TMTC1: variants seen among roughly 807,000 people sequenced by gnomAD.
TMTC1 encodes transmembrane O-mannosyltransferase targeting cadherins 1, also known as protein O-mannosyl-transferase TMTC1.
A neutral mutation model predicts 104.8 loss-of-function variants in TMTC1; 73 were observed. The ratio of observed to expected loss-of-function variants is 0.70; its 90% CI spans 0.58 to 0.85. The LOEUF (loss-of-function observed/expected upper bound fraction) is 0.85, where lower values mean the gene tolerates loss of function less well. TMTC1 is among the 40% of genes least tolerant of loss of function. The pLI is 0.00. For missense variants in TMTC1, 1,035 were observed against 1,096.1 expected, an observed-to-expected ratio of 0.94 and a Z score of 0.79; for synonymous variants, 434 against 428.7, an observed-to-expected ratio of 1.01 and a Z score of -0.15.
chr12:29,546,499 CA>C (rs1428240768), intron 10 of TMTC1, among the ~76,000 whole-genome samples: 1 of 152,156 alleles, frequency 6.6e-6, no homozygotes, highest in African/African-American at 2.4e-5. Flanking sequence ...AGGCCACAGA[CA>C]GGGGTGGAAC....
chr12:29,533,920 T>C (rs568848788), intron 11 of TMTC1: 13 of 152,308 alleles, frequency 8.5e-5, no homozygotes, highest in African/African-American at 2.6e-4. Flanking sequence ...CAGCTGAGTG[T>C]AGGAAAGAGC....
intron 10 of TMTC1, among the ~76,000 whole-genome samples, chr12:29,545,715 G>A (rs955825674): frequency 1.3e-5 from 2 of 150,212 alleles, no homozygotes; most frequent in Non-Finnish European, 2.9e-5. Flanking sequence ...AAATTTCCCC[G>A]AGCTGTTCAA....
intron 5 of TMTC1, among the ~76,000 whole-genome samples, chr12:29,742,414 A>G (rs1027453919): frequency 1.3e-5 from 2 of 152,304 alleles, no homozygotes; most frequent in East Asian, 3.9e-4. Flanking sequence ...TGAAGACTGT[A>G]GCTTAGGGTG....
intron 1 of TMTC1, among the ~76,000 whole-genome samples, chr12:29,775,261 T>C (rs1943681701): frequency 6.6e-6 from 1 of 152,114 alleles, no homozygotes; most frequent in African/African-American, 2.4e-5. Context: ...GTGGAGTGCC[T>C]GATTGTAATG....
chr12:29,754,437 A>G (rs953461998), intron 4 of TMTC1, among the ~76,000 whole-genome samples: 1 of 152,238 alleles, frequency 6.6e-6, no homozygotes, highest in African/African-American at 2.4e-5. Context: ...GGACTGGACC[A>G]CGTGAGAGAA....
intron 6 of TMTC1, among the ~76,000 whole-genome samples, chr12:29,626,574 A>G (rs547844157): frequency 1.3e-5 from 2 of 152,334 alleles, no homozygotes; most frequent in South Asian, 4.1e-4. Context: ...CGATGCAGAG[A>G]AAACTGGATA....
At chr12:29,508,945 T>TA (rs966637366) in intron 17 of TMTC1, among the ~76,000 whole-genome samples, 1 of 152,088 alleles carries the variant, frequency 6.6e-6, no homozygotes, top group South Asian at 2.1e-4. Flanking sequence ...AGATGCTAGG[T>TA]AAAAAAATCT....
intron 5 of TMTC1, among the ~76,000 whole-genome samples, chr12:29,656,602 A>C (rs529733118): frequency 9.9e-5 from 15 of 152,154 alleles, no homozygotes; most frequent in Non-Finnish European, 1.9e-4. Flanking sequence ...GAACAGAAAG[A>C]TGTTTCTCAA....
At chr12:29,561,795 G>A (rs181563277) in intron 9 of TMTC1, among the ~76,000 whole-genome samples, 104 of 152,104 alleles carry the variant, frequency 6.8e-4, no homozygotes, top group African/African-American at 1.6e-3. Flanking sequence ...ATTTCCTTTC[G>A]GAGAATACAC....
intron 11 of TMTC1, among the ~76,000 whole-genome samples, chr12:29,530,678 CTTT>C (rs1359640384): frequency 6.6e-6 from 1 of 152,188 alleles, no homozygotes; most frequent in Non-Finnish European, 1.5e-5. Context: ...AAAGCACCTG[CTTT>C]TGCTTTCTGC....
intron 5 of TMTC1, among the ~76,000 whole-genome samples, chr12:29,674,542 T>C (rs1940648275): frequency 6.6e-6 from 1 of 152,182 alleles, no homozygotes; most frequent in African/African-American, 2.4e-5. Flanking sequence ...AACGAAATAT[T>C]TTCCTAGAAG....
At chr12:29,579,997 T>C (rs1423067179) in intron 8 of TMTC1, among the ~76,000 whole-genome samples, 1 of 152,160 alleles carries the variant, frequency 6.6e-6, no homozygotes. Flanking sequence ...CCTCTGATAA[T>C]ACACAAGTGC....
chr12:29,528,160 C>A (rs1182647877), intron 11 of TMTC1, among the ~76,000 whole-genome samples: 7 of 152,188 alleles, frequency 4.6e-5, no homozygotes, highest in Admixed American at 4.6e-4. Flanking sequence ...ATTATTTAAT[C>A]TCTGAAGCTC....
At chr12:29,530,559 C>A (rs182899144) in intron 11 of TMTC1, among the ~76,000 whole-genome samples, 1 of 152,206 alleles carries the variant, frequency 6.6e-6, no homozygotes, top group African/African-American at 2.4e-5. Flanking sequence ...TTGCTTACTA[C>A]GCATGTGCAA....
intron 10 of TMTC1, among the ~76,000 whole-genome samples, chr12:29,549,134 A>C (rs1047680985): frequency 8.0e-5 from 12 of 150,664 alleles, no homozygotes; most frequent in African/African-American, 2.9e-4. Flanking sequence ...AATAACCCAT[A>C]CCTGTAAACA....
intron 5 of TMTC1, among the ~76,000 whole-genome samples, chr12:29,676,898 T>C (rs550371563): frequency 6.6e-6 from 1 of 152,294 alleles, no homozygotes; most frequent in African/African-American, 2.4e-5. Flanking sequence ...CTGGCTGGCA[T>C]GCCACAGTGT....
At chr12:29,749,245 C>T (rs190625343) in intron 5 of TMTC1, among the ~76,000 whole-genome samples, 29 of 152,022 alleles carry the variant, frequency 1.9e-4, no homozygotes, top group Non-Finnish European at 3.5e-4. Flanking sequence ...CACACACACA[C>T]ACGTCTGAAA....
In TMTC1 at chr12:29,597,627, G is replaced by GAA. The variant is rs35882753; in HGVS notation, c.1250+6549_1250+6550dup. On this transcript the variant is annotated intron_variant, in intron 7 of 17. Coordinates refer to ENST00000539277, the MANE Select transcript of TMTC1 (RefSeq NM_001193451.2). ...CACAGGCAGACACGCCATAAAATGT[G>GAA]AAAAAAAAAAAAAGCAGTGCATAAA... Among the ~76,000 whole-genome samples the GAA allele has an allele frequency of 5.3e-3, 741 of 139,846 alleles. 9 individuals are homozygous for GAA. The highest frequency in any genetic ancestry group is 0.019 in the African/African-American group (722 of 38,436). 91.7% of individuals were successfully genotyped at this position (139,846 alleles called of 152,430 possible). A position where few individuals can be genotyped will look rare whatever the true frequency, so the allele number is the denominator to read the frequency against.
chr12:29,773,268 A>G (rs972653575), intron 1 of TMTC1, among the ~76,000 whole-genome samples: 1 of 152,118 alleles, frequency 6.6e-6, no homozygotes, highest in African/African-American at 2.4e-5. Context: ...GGGTCACAAA[A>G]TCTGGCACCA....
Sources: gnomAD v4.1 joint callset for allele counts (sites outside exome capture counted in the v4.1 genomes callset) on GRCh38, gnomAD v4.1.1 for gene constraint, MANE v1.5 for transcripts, NCBI Gene and HGNC (gene_info 2026-07-23, HGNC 2026-07-21) for gene names.